CBLN2: variants seen among roughly 807,000 people sequenced by gnomAD.
CBLN2 encodes cerebellin 2 precursor.
In CBLN2, 7 loss-of-function variants were observed where a neutral mutation model predicts 15.0. The ratio of observed to expected loss-of-function variants is 0.47; its 90% confidence interval spans 0.27 to 0.88. The LOEUF is 0.88. Ranked by LOEUF, CBLN2 falls within the 40% of genes least tolerant of loss-of-function variation. The pLI is 0.14. For missense variants in CBLN2, 242 were observed against 304.5 expected (o/e 0.79, Z 1.53); for synonymous variants, 149 against 135.2 (o/e 1.10, Z -0.71).
At chr18:72,586,099 C>T (rs947192372) in intron 1 of CBLN2, among the ~76,000 whole-genome samples, 13 of 152,166 alleles carry the variant, frequency 8.5e-5, no homozygotes, top group African/African-American at 2.7e-4. Flanking sequence ...GCTCCCAACC[C>T]TCCAACTCAG....
rs538079079 is a variant in CBLN2, at chr18:72,542,113, G to T, written c.48C>A (p.Pro16=). ...GCTCGCGCAGCGCCCCCCGGCGCCC[G>T]GGCATCATCAGCCGCAGCCCGAGTG... The part of the protein sequence containing the change: ...RGPLGLRLMM[P]GRRGALREPG... The change falls in exon 3 of 5, where the codon CCC becomes CCA. Residue 16 remains proline (P), a synonymous_variant. Transcript: ENST00000269503. 1.4e-6 allele frequency: 2 copies of T among 1,441,630 alleles called. No individual in the cohort carries two copies. Among genetic ancestry groups the T allele is most frequent in the Non-Finnish European group, 9.0e-7 (1 of 1,107,532 alleles). 89.3% of individuals were successfully genotyped at this position (1,441,630 alleles called of 1,614,324 possible). A position where few individuals can be genotyped will look rare whatever the true frequency, so the allele number is the denominator to read the frequency against.
Position 72,542,069 on chromosome 18 carries a change from C to T in CBLN2, c.92G>A (p.Cys31Tyr), listed in dbSNP as rs1568249549. The T allele has an allele frequency of 7.1e-6, 11 of 1,558,892 alleles. No individual in the cohort carries two copies. The highest frequency in any genetic ancestry group is 2.3e-4 in the Middle Eastern group (1 of 4,386). ...ALREPGGCGSCLGVALALLLL... is the reference protein window; with the variant it reads ...ALREPGGCGSYLGVALALLLL... ...CAGCAGGGCCAGCGCCACCCCCAGG[C>T]AGGATCCGCAGCCGCCCGGCTCGCG... Residue 31 changes from cysteine (C) to tyrosine (Y), a missense_variant, in exon 3 of 5, where the codon TGC becomes TAC. Around this residue, in one of 4 missense-constraint regions of CBLN2, gnomAD observed 96 missense variants for 83.8 expected, o/e 1.15. Transcript: ENST00000269503.
At chr18:72,598,626 A>C (rs2069528022) in intron 1 of CBLN2, among the ~76,000 whole-genome samples, 1 of 152,198 alleles carries the variant, frequency 6.6e-6, no homozygotes, top group South Asian at 2.1e-4. Flanking sequence ...ACTAGGACTC[A>C]TCTAGGAGTT....
intron 1 of CBLN2, among the ~76,000 whole-genome samples, chr18:72,570,288 T>G (rs2069322897): frequency 6.6e-6 from 1 of 151,522 alleles, no homozygotes; most frequent in African/African-American, 2.4e-5. Flanking sequence ...TCTGGTTTTT[T>G]TTTTTTTTTT....
chr18:72,595,417 C>G (rs150136484), intron 1 of CBLN2, among the ~76,000 whole-genome samples: 4 of 151,942 alleles, frequency 2.6e-5, no homozygotes, highest in Admixed American at 1.3e-4. Context: ...CATCATTTTT[C>G]AAGGCTTGTT....
In CBLN2 at chr18:72,608,981, A is replaced by C. The variant is rs933299852; in HGVS notation, c.15+29344T>G. On this transcript the variant is annotated intron_variant, in intron 1 of 2. Transcript: ENST00000581073. ...TTCACTACCATGAGAACAATATGGGAGAATCCATCTCCACGATTCAATTAT... is the reference window on the plus strand; with the variant it reads ...TTCACTACCATGAGAACAATATGGGCGAATCCATCTCCACGATTCAATTAT... 2.0e-5 allele frequency among the ~76,000 whole-genome samples: 3 copies of C among 152,156 alleles called. No homozygotes were observed. The East Asian group carries it at 5.8e-4, about 29-fold the overall frequency.
At chr18:72,638,413 C>A (rs2069827949) in exon 1 of CBLN2, 1 of 398,236 alleles carries the variant, frequency 2.5e-6, no homozygotes, top group Non-Finnish European at 4.4e-6. Flanking sequence ...CAATTCATTT[C>A]TCTTTTATAT....
intron 1 of CBLN2, among the ~76,000 whole-genome samples, chr18:72,586,819 C>CT (rs1271013096): frequency 1.3e-5 from 2 of 151,998 alleles, no homozygotes; most frequent in African/African-American, 4.8e-5. Flanking sequence ...TGAAATAGGC[C>CT]TTTTGGGGTG....
chr18:72,604,691 G>A (rs911667163), intron 1 of CBLN2, among the ~76,000 whole-genome samples: 1 of 152,156 alleles, frequency 6.6e-6, no homozygotes, highest in African/African-American at 2.4e-5. Context: ...CAAAGGAGTA[G>A]GACTGGTGGC....
At chr18:72,609,693 G>A (rs1197124866) in intron 1 of CBLN2, among the ~76,000 whole-genome samples, 2 of 152,114 alleles carry the variant, frequency 1.3e-5, no homozygotes, top group Admixed American at 1.3e-4. Flanking sequence ...CCATCCCCAG[G>A]TGCCATCCCT....
At chr18:72,625,788 C>T (rs1432153140) in intron 1 of CBLN2, among the ~76,000 whole-genome samples, 2 of 59,374 alleles carry the variant, frequency 3.4e-5, no homozygotes, top group Non-Finnish European at 6.1e-5. Flanking sequence ...ATATATATGA[C>T]TCTCTCTCTC....
At chr18:72,559,559 A>T (rs1263168218) in intron 1 of CBLN2, among the ~76,000 whole-genome samples, 1 of 152,234 alleles carries the variant, frequency 6.6e-6, no homozygotes, top group Non-Finnish European at 1.5e-5. Context: ...ATCACAGCGG[A>T]GTATGAAATG....
At chr18:72,549,834 G>A (rs930994457) in intron 1 of CBLN2, among the ~76,000 whole-genome samples, 6 of 152,112 alleles carry the variant, frequency 3.9e-5, no homozygotes, top group African/African-American at 1.4e-4. Context: ...TAATTGTCAT[G>A]GATGGAGTTT....
At chr18:72,605,334 G>T (rs928512087) in intron 1 of CBLN2, among the ~76,000 whole-genome samples, 3 of 152,056 alleles carry the variant, frequency 2.0e-5, no homozygotes, top group South Asian at 4.1e-4. Context: ...GATACTTAAT[G>T]GTTTTTTAAA....
At chr18:72,545,525 C>T (rs2069151852), upstream of CBLN2, among the ~76,000 whole-genome samples, 1 of 152,158 alleles carries the variant, frequency 6.6e-6, no homozygotes, top group African/African-American at 2.4e-5. Context: ...CCACAGTTTG[C>T]CATGTTTTGT....
intron 1 of CBLN2, among the ~76,000 whole-genome samples, chr18:72,562,647 T>A (rs1195295501): frequency 6.6e-6 from 1 of 152,186 alleles, no homozygotes; most frequent in Non-Finnish European, 1.5e-5. Context: ...TAAACCCGGA[T>A]AACACAAATG....
upstream of CBLN2, among the ~76,000 whole-genome samples, chr18:72,546,520 T>A (rs375811519): frequency 1.2e-4 from 18 of 152,220 alleles, no homozygotes; most frequent in East Asian, 5.8e-4. Flanking sequence ...TAAGAAAATG[T>A]CTAAGATTTA....
In CBLN2 at chr18:72,626,758, A is replaced by G. The variant is rs568746028; in HGVS notation, c.15+11567T>C. Among the ~76,000 whole-genome samples the G allele has an allele frequency of 3.9e-5, 6 of 152,250 alleles. No homozygotes were observed. In the South Asian group the frequency reaches 1.2e-3, roughly 32 times the overall value. The stretch of plus-strand genomic sequence containing the variant: ...AGTTCATGATCCAGAAGGAGCCAAA[A>G]GGAAGACAAAACAACAAATGGTGAC... On this transcript the variant is annotated intron_variant, in intron 1 of 2. Transcript: ENST00000581073.
In CBLN2 at chr18:72,557,267, T is replaced by C. The variant is rs574833375; in HGVS notation, c.16-18495A>G. 5.3e-5 allele frequency among the ~76,000 whole-genome samples: 8 copies of C among 152,308 alleles called. No individual in the cohort carries two copies. The South Asian group carries it at 1.7e-3, about 32-fold the overall frequency. ...TAAGATGCGTATGTACCACATTTTC[T>C]TTATCCAGTCTCTCATTGATGGGCA... On this transcript the variant is annotated intron_variant, in intron 1 of 2. Coordinates refer to the CBLN2 transcript ENST00000581073.
Sources: gnomAD v4.1 joint callset for allele counts (sites outside exome capture counted in the v4.1 genomes callset) on GRCh38, gnomAD v4.1.1 for gene constraint, gnomAD v4.1.1 regional missense constraint, MANE v1.5 for transcripts, NCBI Gene and HGNC (gene_info 2026-07-23, HGNC 2026-07-21) for gene names.